FOXN2: variants seen among roughly 807,000 people sequenced by gnomAD.
FOXN2 encodes the protein forkhead box protein N2.
FOXN2 carries 19 observed loss-of-function variants against 41.2 expected under a neutral mutation model. The ratio of observed to expected loss-of-function variants is 0.46; its 90% CI spans 0.32 to 0.68. The LOEUF is 0.68. Ranked by LOEUF, FOXN2 falls within the 30% of genes least tolerant of loss-of-function variation. The probability of loss-of-function intolerance (pLI) is 0.03; values close to 1 mark genes in which losing one functional copy is unlikely to be tolerated. For synonymous variants in FOXN2, 195 were observed against 176.8 expected (o/e 1.10, Z -0.82); for missense variants, 587 against 509.4 (o/e 1.15, Z -1.47).
At position 48,378,768 on chromosome 2, in the gene FOXN2, A is replaced by C. The variant is rs1205798127; in HGVS notation, c.*3325A>C. On this transcript the variant is annotated 3_prime_UTR_variant, in exon 7 of 7. Coordinates refer to ENST00000340553, the MANE Select transcript of FOXN2 (RefSeq NM_002158.4). ...TTCAGTATGTTAATGATGTAGTAAA[A>C]ATATTTATTGAAAGGTGAATTCGAG... 6.6e-6 allele frequency: 1 copy of C among 152,346 alleles called. No individual in the cohort carries two copies. The highest frequency in any genetic ancestry group is 2.4e-5 in the African/African-American group (1 of 41,392). The allele number at this position is 152,346 out of a possible 1,614,324, so 9.4% of individuals were successfully genotyped here.
At chr2:48,349,191 T>A (rs1192403785) in intron 3 of FOXN2, among the ~76,000 whole-genome samples, 1 of 152,090 alleles carries the variant, frequency 6.6e-6, no homozygotes, top group Non-Finnish European at 1.5e-5. Context: ...CGAAAAACAT[T>A]GGATTCAACT....
chr2:48,369,322 G>T (rs980294320), intron 5 of FOXN2, among the ~76,000 whole-genome samples: 22 of 152,272 alleles, frequency 1.4e-4, no homozygotes, highest in Non-Finnish European at 4.4e-5. Context: ...TGGATCATCT[G>T]AGGTCAGGAG....
chr2:48,351,012 C>A (rs1671412136), intron 3 of FOXN2, among the ~76,000 whole-genome samples: 2 of 152,204 alleles, frequency 1.3e-5, no homozygotes, highest in East Asian at 1.9e-4. Context: ...GTCATCCAGG[C>A]TGGAGTGCAG....
intron 5 of FOXN2, among the ~76,000 whole-genome samples, chr2:48,368,632 C>T (rs1350046753): frequency 2.0e-5 from 3 of 152,170 alleles, no homozygotes; most frequent in Non-Finnish European, 4.4e-5. Context: ...GTGAAGGTTG[C>T]AGTGAGCCAT....
intron 2 of FOXN2, among the ~76,000 whole-genome samples, chr2:48,343,120 G>C (rs1410354187): frequency 1.3e-5 from 2 of 152,186 alleles, no homozygotes; most frequent in Non-Finnish European, 2.9e-5. Context: ...GAGCGATTGA[G>C]AGTGACTCTA....
At chr2:48,346,099 T>A in intron 2 of FOXN2, 102 bp from the exon 3 acceptor site, 1 of 985,824 alleles carries the variant, frequency 1.0e-6, no homozygotes, top group Non-Finnish European at 1.5e-6. Flanking sequence ...GACAATTGAT[T>A]GCAAAATTTC....
At chr2:48,367,516 A>G (rs771878098) in intron 5 of FOXN2, among the ~76,000 whole-genome samples, 20 of 152,226 alleles carry the variant, frequency 1.3e-4, no homozygotes, top group Admixed American at 6.5e-5. Context: ...TATTGAAACT[A>G]TTCTTCTACT....
At chr2:48,333,091 A>G (rs1670116466) in intron 2 of FOXN2, among the ~76,000 whole-genome samples, 1 of 152,126 alleles carries the variant, frequency 6.6e-6, no homozygotes, top group South Asian at 2.1e-4. Context: ...AGTGTTATGT[A>G]TGTTAATCCT....
In FOXN2 at chr2:48,345,098, C is replaced by T. The variant is rs532950056; in HGVS notation, c.-14-1103C>T. 7.0e-4 allele frequency among the ~76,000 whole-genome samples: 107 copies of T among 152,174 alleles called. 1 individual carries two copies. The highest frequency in any genetic ancestry group is 1.2e-3 in the Non-Finnish European group (83 of 67,972). On this transcript the variant is annotated intron_variant, in intron 2 of 6. Transcript: ENST00000340553. ...AAAAAGAATAGTAACAGCTATTTTT[C>T]GCTCTCCTTGAAAGTACAGGGACAG...
intron 2 of FOXN2, among the ~76,000 whole-genome samples, chr2:48,329,337 G>T (rs983263426): frequency 6.6e-6 from 1 of 152,252 alleles, no homozygotes; most frequent in East Asian, 1.9e-4. Context: ...AGTAAATTCA[G>T]TGGAAAGTTG....
intron 3 of FOXN2, among the ~76,000 whole-genome samples, chr2:48,350,969 TA>T (rs1451450374): frequency 6.6e-6 from 1 of 151,966 alleles, no homozygotes; most frequent in Non-Finnish European, 1.5e-5. Context: ...CAATTTATTT[TA>T]TTTTTTTTAT....
Position 48,376,202 on chromosome 2 carries a change from A to C in FOXN2, c.*759A>C, listed in dbSNP as rs1673237504. 6.6e-6 allele frequency: 1 copy of C among 152,132 alleles called. No homozygotes were observed. The highest frequency in any genetic ancestry group is 2.4e-5 in the African/African-American group (1 of 41,438). 9.4% of individuals were successfully genotyped at this position (152,132 alleles called of 1,614,324 possible). The stretch of plus-strand genomic sequence containing the variant: ...TTTCCCAAAGTGCTTTGCAAACATT[A>C]AGTTTTAGCCACTAGCTGCCTTTGT... On this transcript the variant is annotated 3_prime_UTR_variant, in exon 7 of 7. Transcript: ENST00000340553.
At chr2:48,318,536 G>T (rs1316454790) in intron 1 of FOXN2, among the ~76,000 whole-genome samples, 2 of 152,108 alleles carry the variant, frequency 1.3e-5, no homozygotes, top group Non-Finnish European at 2.9e-5. Flanking sequence ...GGTCTTTGTG[G>T]AGTTTCGCCC....
intron 4 of FOXN2, among the ~76,000 whole-genome samples, chr2:48,362,064 A>G (rs1672229278): frequency 6.6e-6 from 1 of 152,206 alleles, no homozygotes; most frequent in South Asian, 2.1e-4. Context: ...TGGGAGATTT[A>G]ATTATTCCTA....
Position 48,378,815 on chromosome 2 carries a change from A to ATT in FOXN2, c.*3379_*3380dup, listed in dbSNP as rs528283746. 1 of 151,726 alleles carries ATT rather than the reference A, an allele frequency of 6.6e-6. No homozygotes were observed. The highest frequency in any genetic ancestry group is 2.4e-5 in the African/African-American group (1 of 41,172). 9.4% of individuals were successfully genotyped at this position (151,726 alleles called of 1,614,324 possible). On this transcript the variant is annotated 3_prime_UTR_variant, in exon 7 of 7. Transcript: ENST00000340553. ...CGAGTATTTTAATGTTATACCTGCC[A>ATT]TTTTTTTTCTTAAAGCATATTCTTT...
chr2:48,374,794 A>T (rs1673127853), intron 6 of FOXN2, 126 bp from the exon 7 acceptor site: 2 of 804,552 alleles, frequency 2.5e-6, no homozygotes, highest in East Asian at 2.6e-5. Flanking sequence ...AAAAAAAAAT[A>T]AAAAATCTAC....
intron 2 of FOXN2, among the ~76,000 whole-genome samples, 153 bp from the exon 3 acceptor site, chr2:48,346,048 G>A (rs1224768010): frequency 6.6e-6 from 1 of 152,114 alleles, no homozygotes; most frequent in Non-Finnish European, 1.5e-5. Context: ...ATAACCATTA[G>A]TATCTTCATT....
At position 48,361,128 on chromosome 2, in the gene FOXN2, A is replaced by C. The variant is rs76984510; in HGVS notation, c.639-1515A>C. ...TTCATGTTTCTATCTTTTAGCCTTA[A>C]TCATAAGTTTAAATGTTAAAAGTGA... is the stretch of plus-strand genomic sequence containing the variant. On this transcript the variant is annotated intron_variant, in intron 4 of 6. Transcript: ENST00000340553. Among the ~76,000 whole-genome samples, 664 of 152,236 alleles carry C rather than the reference A, an allele frequency of 4.4e-3. 4 individuals are homozygous for C. Among genetic ancestry groups the C allele is most frequent in the African/African-American group, 0.015 (621 of 41,534 alleles).
intron 3 of FOXN2, among the ~76,000 whole-genome samples, chr2:48,352,628 T>G (rs1273356443): frequency 6.6e-6 from 1 of 152,162 alleles, no homozygotes; most frequent in African/African-American, 2.4e-5. Flanking sequence ...TATCTCAAAT[T>G]CAGTGTGTCC....
Sources: gnomAD v4.1 joint callset for allele counts (sites outside exome capture counted in the v4.1 genomes callset) on GRCh38, gnomAD v4.1.1 for gene constraint, MANE v1.5 for transcripts, NCBI Gene and HGNC (gene_info 2026-07-23, HGNC 2026-07-21) for gene names.